DHTKD1: variants seen among roughly 807,000 people sequenced by gnomAD.
DHTKD1 encodes 2-oxoadipate dehydrogenase complex component E1.
DHTKD1 carries 78 observed loss-of-function variants against 101.8 expected under a neutral mutation model. The ratio of observed to expected loss-of-function variants is 0.77; its 90% CI spans 0.64 to 0.93. The LOEUF is 0.93. Among genes scored for constraint, DHTKD1 ranks in the 40% least tolerant of loss-of-function variants. The probability of loss-of-function intolerance (pLI) is 0.00; values close to 1 mark genes in which losing one functional copy is unlikely to be tolerated. For missense variants in DHTKD1, 1,223 were observed against 1,161.7 expected, an observed-to-expected ratio of 1.05 and a Z score of -0.77; for synonymous variants, 462 against 450.3, an observed-to-expected ratio of 1.03 and a Z score of -0.33.
chr10:12,092,114 G>T (rs1379561169), intron 6 of DHTKD1, among the ~76,000 whole-genome samples: 2 of 151,706 alleles, frequency 1.3e-5, no homozygotes, highest in Non-Finnish European at 2.9e-5. Context: ...CTCCCAAGTA[G>T]TTGGGACTAC....
At chr10:12,085,835 C>T (rs1235634923) in intron 3 of DHTKD1, among the ~76,000 whole-genome samples, 2 of 151,722 alleles carry the variant, frequency 1.3e-5, no homozygotes, top group South Asian at 2.1e-4. Flanking sequence ...TGCAGCGAGC[C>T]GAGATCACAC....
intron 1 of DHTKD1, among the ~76,000 whole-genome samples, chr10:12,076,681 C>T (rs923262340): frequency 4.0e-5 from 6 of 151,528 alleles, no homozygotes; most frequent in East Asian, 1.9e-4. Flanking sequence ...TTTCTCGGGA[C>T]GGAGTTTTGC....
At position 12,120,767 on chromosome 10, in the gene DHTKD1, C is replaced by A; in HGVS notation, c.2659-20C>A. 4 of 1,604,146 alleles carry A rather than the reference C, an allele frequency of 2.5e-6. No individual in the cohort carries two copies. The highest frequency in any genetic ancestry group is 1.7e-4 in the Middle Eastern group (1 of 6,048). ...ATCTAGTCAAAATGTCATTTTATTT[C>A]TTCTCTGCTGCACTTATAGCTCCGT... On this transcript the variant is annotated intron_variant, in intron 16 of 16. Coordinates refer to ENST00000263035, the MANE Select transcript of DHTKD1 (RefSeq NM_018706.7).
In DHTKD1 at chr10:12,068,983, G is replaced by T. The variant is rs1169595266; in HGVS notation, c.-51G>T. ...AGTCCCGGATTTACCAGGGCCGGTGGGATCCCCTCGGGCTCCCGCCTTAGC... is the reference window on the plus strand; with the variant it reads ...AGTCCCGGATTTACCAGGGCCGGTGTGATCCCCTCGGGCTCCCGCCTTAGC... On this transcript the variant is annotated 5_prime_UTR_variant, in exon 1 of 17. Transcript: ENST00000263035. The T allele has an allele frequency of 2.5e-6, 4 of 1,605,982 alleles. No homozygotes were observed. Among genetic ancestry groups the T allele is most frequent in the Middle Eastern group, 1.8e-4 (1 of 5,428 alleles).
Position 12,091,526 on chromosome 10 carries a change from C to T in DHTKD1, c.1001C>T (p.Ala334Val), listed in dbSNP as rs768670369. 2.5e-6 allele frequency: 4 copies of T among 1,600,144 alleles called. No homozygotes were observed. Among genetic ancestry groups the T allele is most frequent in the South Asian group, 1.1e-5 (1 of 90,012 alleles). ...CTCATGATTTAGGTCCATGGTGATG[C>T]TTCTTTCTGTGGTCAAGGGATTGTT... The part of the protein sequence containing the change: ...RVICLQVHGD[A>V]SFCGQGIVPE... Residue 334 changes from alanine (A) to valine (V), a missense_variant, in exon 6 of 17, where the codon GCT becomes GTT. Physicochemically the swap from Ala to Val is moderately conservative, Grantham distance 64 (BLOSUM62 0). Coordinates refer to ENST00000263035, the MANE Select transcript of DHTKD1 (RefSeq NM_018706.7).
chr10:12,102,839 C>G (rs1017817692), intron 10 of DHTKD1, among the ~76,000 whole-genome samples: 2 of 152,164 alleles, frequency 1.3e-5, no homozygotes, highest in Non-Finnish European at 2.9e-5. Context: ...AGCAGTTCTC[C>G]TGCTTCAGCC....
chr10:12,112,625 AG>A (rs1833351664), intron 12 of DHTKD1, among the ~76,000 whole-genome samples: 1 of 152,146 alleles, frequency 6.6e-6, no homozygotes, highest in African/African-American at 2.4e-5. Flanking sequence ...TTTTTAAAAA[AG>A]TCCTTTCCAG....
At chr10:12,116,728 G>T (rs1199111022) in intron 13 of DHTKD1, among the ~76,000 whole-genome samples, 6 of 151,010 alleles carry the variant, frequency 4.0e-5, no homozygotes, top group Non-Finnish European at 2.9e-5. Context: ...ACAAGGTCTG[G>T]CTCTGTCACC....
chr10:12,074,172 TTTTTGTTTTG>T (rs71382614), intron 1 of DHTKD1, among the ~76,000 whole-genome samples: 32 of 150,418 alleles, frequency 2.1e-4, no homozygotes, highest in African/African-American at 5.6e-4. Flanking sequence ...AAAGTTTTGC[TTTTTGTTTTG>T]TTTTGTTTTG....
At position 12,121,024 on chromosome 10, in the gene DHTKD1, A is replaced by C; in HGVS notation, c.*136A>C. 3.0e-6 allele frequency: 2 copies of C among 657,458 alleles called. No homozygotes were observed. Among genetic ancestry groups the C allele is most frequent in the Admixed American group, 4.6e-5 (2 of 43,414 alleles). The allele number at this position is 657,458 out of a possible 1,614,324, so 40.7% of individuals were successfully genotyped here. On this transcript the variant is annotated 3_prime_UTR_variant, in exon 17 of 17. Coordinates refer to ENST00000263035, the MANE Select transcript of DHTKD1 (RefSeq NM_018706.7). ...CACCTGAGGTCAGGAGTTCGAGACC[A>C]GCCTGGCCAACACGGTGAAACCCCG...
At chr10:12,100,114 C>A in intron 8 of DHTKD1, 64 bp from the exon 9 acceptor site, 2 of 971,912 alleles carry the variant, frequency 2.1e-6, no homozygotes, top group Non-Finnish European at 3.1e-6. Context: ...ATTTTTTGTA[C>A]TCATTGTGAA....
intron 5 of DHTKD1, 74 bp downstream of exon 5, chr10:12,089,329 A>G: frequency 7.3e-7 from 1 of 1,371,360 alleles, no homozygotes; most frequent in Non-Finnish European, 1.0e-6. Context: ...GAGGGCTGAA[A>G]GCACATGGCA....
At chr10:12,099,273 T>TG (rs1833119866) in intron 8 of DHTKD1, among the ~76,000 whole-genome samples, 1 of 152,104 alleles carries the variant, frequency 6.6e-6, no homozygotes, top group Admixed American at 6.6e-5. Flanking sequence ...TACTCATCAC[T>TG]CAGCTTAGGA....
intron 10 of DHTKD1, among the ~76,000 whole-genome samples, chr10:12,104,377 C>T (rs1242121684): frequency 2.0e-5 from 3 of 152,100 alleles, no homozygotes; most frequent in Non-Finnish European, 2.9e-5. Flanking sequence ...CAGGGTCTCG[C>T]CACATTGGCC....
chr10:12,086,349 T>C (rs1294691223), intron 3 of DHTKD1, among the ~76,000 whole-genome samples: 6 of 151,236 alleles, frequency 4.0e-5, no homozygotes, highest in Non-Finnish European at 8.8e-5. Flanking sequence ...GCCTCCCAAG[T>C]AGCTGGGACT....
chr10:12,095,812 C>CAAAAAAAAAAAAAAAAAA (rs1185585860), intron 7 of DHTKD1, among the ~76,000 whole-genome samples: 12 of 41,492 alleles, frequency 2.9e-4, no homozygotes, highest in East Asian at 1.7e-3. Flanking sequence ...GACTCCGTCT[C>CAAAAAAAAAAAAAAAAAA]AAAAAAAAAA....
At chr10:12,105,675 A>G (rs1015263507) in intron 10 of DHTKD1, among the ~76,000 whole-genome samples, 1 of 152,152 alleles carries the variant, frequency 6.6e-6, no homozygotes, top group Non-Finnish European at 1.5e-5. Context: ...TCTGAGAAGT[A>G]TATGTGCTTA....
chr10:12,088,626 C>G (rs1832939930), intron 4 of DHTKD1, among the ~76,000 whole-genome samples: 1 of 152,108 alleles, frequency 6.6e-6, no homozygotes, highest in Non-Finnish European at 1.5e-5. Flanking sequence ...CTCTGTCACC[C>G]AGGCTGGAGT....
At position 12,110,123 on chromosome 10, in the gene DHTKD1, C is replaced by G. The variant is rs1807811; in HGVS notation, c.2154+2108C>G. 1.9e-4 allele frequency among the ~76,000 whole-genome samples: 29 copies of G among 152,046 alleles called. No individual in the cohort carries two copies. The highest frequency in any genetic ancestry group is 5.8e-4 in the African/African-American group (24 of 41,394). On this transcript the variant is annotated intron_variant, in intron 12 of 16. Transcript: ENST00000263035. The surrounding 1 kb of genome is among the most constrained non-coding windows in gnomAD (Gnocchi z 4.9). ...ACCATCCTGGCTAACACGGTGAAAC[C>G]CTGTGTCTACTAAAAATACAAAAAA...
Sources: gnomAD v4.1 joint callset for allele counts (sites outside exome capture counted in the v4.1 genomes callset) on GRCh38, gnomAD v4.1.1 for gene constraint, Gnocchi (gnomAD v3.1) non-coding constraint, MANE v1.5 for transcripts, NCBI Gene and HGNC (gene_info 2026-07-23, HGNC 2026-07-21) for gene names.